ZNF622: variants seen among roughly 807,000 people sequenced by gnomAD.
ZNF622 encodes cytoplasmic 60S subunit biogenesis factor ZNF622.
In ZNF622, 34 loss-of-function variants were observed where a neutral mutation model predicts 49.7. The observed-to-expected ratio is 0.68, with a 90% confidence interval of 0.52 to 0.91. The LOEUF (loss-of-function observed/expected upper bound fraction) is 0.91, where lower values mean the gene tolerates loss of function less well. Ranked by LOEUF, ZNF622 falls within the 40% of genes least tolerant of loss-of-function variation. ZNF622 has a pLI of 0.00. For missense variants in ZNF622, 569 were observed against 616.4 expected, an observed-to-expected ratio of 0.92 and a Z score of 0.81; for synonymous variants, 209 against 228.7, an observed-to-expected ratio of 0.91 and a Z score of 0.78.
intron 4 of ZNF622, among the ~76,000 whole-genome samples, chr5:16,457,690 T>C (rs1738053756): frequency 1.3e-5 from 2 of 152,164 alleles, no homozygotes; most frequent in African/African-American, 4.8e-5. Flanking sequence ...CAGCAGGGTG[T>C]GTTGTTCCTG....
At position 16,465,630 on chromosome 5, in the gene ZNF622, C is replaced by G. The variant is rs1040512436; in HGVS notation, c.36G>C (p.Ala12=). ...CCCGCTGCATGTCCGCGTCGCGGAA[C>G]GCCACCCGGCAAGTTATGCAGGTGT... is the stretch of plus-strand genomic sequence containing the variant. ...ATYTCITCRV[A]FRDADMQRAH... is the part of the protein sequence containing the mutation. The change falls in exon 1 of 6, where the codon GCG becomes GCC. Residue 12 remains alanine, a synonymous_variant. Coordinates refer to ENST00000308683, the MANE Select transcript of ZNF622 (RefSeq NM_033414.3). This position sits in a 1 kb window ranked among gnomAD's most constrained non-coding sequence, Gnocchi z 6.2. The G allele has an allele frequency of 6.3e-7, 1 of 1,595,094 alleles. No homozygotes were observed. Among genetic ancestry groups the G allele is most frequent in the Admixed American group, 1.7e-5 (1 of 57,656 alleles).
In ZNF622 at chr5:16,463,646, T is replaced by C. The variant is rs1228243727; in HGVS notation, c.722A>G (p.Glu241Gly). Residue 241 changes from glutamate (E) to glycine (G), a missense_variant, in exon 2 of 6, where the codon GAG becomes GGG. Glu to Gly is a moderately conservative substitution (Grantham distance 98). Coordinates refer to ENST00000308683, the MANE Select transcript of ZNF622 (RefSeq NM_033414.3). This position sits in a 1 kb window ranked among gnomAD's most constrained non-coding sequence, Gnocchi z 4.2. ...VEQDAEEEEA[E>G]EGPPLGAIPI... Reference sequence around the variant, plus strand: ...GATGGCACCAAGGGGTGGGCCTTCCTCAGCCTCTTCCTCCTCTGCATCCTG... The same window carrying C: ...GATGGCACCAAGGGGTGGGCCTTCCCCAGCCTCTTCCTCCTCTGCATCCTG... The C allele has an allele frequency of 6.2e-7, 1 of 1,614,256 alleles. No individual in the cohort carries two copies. The highest frequency in any genetic ancestry group is 8.5e-7 in the Non-Finnish European group (1 of 1,180,044).
rs1738156748 is a variant in ZNF622 at position 16,463,521 on chromosome 5, C to G, written c.847G>C (p.Glu283Gln). The G allele has an allele frequency of 6.2e-7, 1 of 1,613,662 alleles. No individual in the cohort carries two copies. The highest frequency in any genetic ancestry group is 1.7e-5 in the Admixed American group (1 of 60,002). Residue 283 changes from glutamate (E) to glutamine (Q), a missense_variant, in exon 2 of 6, where the codon GAA becomes CAA. Coordinates refer to ENST00000308683, the MANE Select transcript of ZNF622 (RefSeq NM_033414.3). This position sits in a 1 kb window ranked among gnomAD's most constrained non-coding sequence, Gnocchi z 4.2. ...AGTCCCTTAATATCTGAAAGATATT[C>G]TATATCAGGAATAAAGAAACTGTGG... Reference protein sequence around the residue: ...KDHSFFIPDIEYLSDIKGLIK... With the variant: ...KDHSFFIPDIQYLSDIKGLIK...
At chr5:16,455,385 G>C (rs1422881572) in intron 4 of ZNF622, among the ~76,000 whole-genome samples, 1 of 152,204 alleles carries the variant, frequency 6.6e-6, no homozygotes, top group African/African-American at 2.4e-5. Flanking sequence ...TAATTTGCTT[G>C]ATACACAGAT....
chr5:16,453,244 C>G, intron 4 of ZNF622, 88 bp from the exon 5 acceptor site: 1 of 1,266,770 alleles, frequency 7.9e-7, no homozygotes, highest in South Asian at 3.0e-5. Flanking sequence ...CAAATCAGAT[C>G]TTTTAGTATA....
intron 5 of ZNF622, 63 bp from the exon 6 acceptor site, chr5:16,451,847 C>A: frequency 1.3e-6 from 2 of 1,559,874 alleles, no homozygotes; most frequent in Non-Finnish European, 8.7e-7. Flanking sequence ...AGAGAAAATC[C>A]AACCTTGGCA....
At chr5:16,460,581 T>C (rs1471371352) in intron 3 of ZNF622, among the ~76,000 whole-genome samples, 1 of 152,064 alleles carries the variant, frequency 6.6e-6, no homozygotes, top group African/African-American at 2.4e-5. Context: ...TTCCTTTTTT[T>C]CCCCTAGAGA....
At chr5:16,460,133 C>G (rs1579564869) in intron 3 of ZNF622, among the ~76,000 whole-genome samples, 1 of 152,166 alleles carries the variant, frequency 6.6e-6, no homozygotes, top group Non-Finnish European at 1.5e-5. Context: ...TTTAAATCAT[C>G]TCTATATTAC....
chr5:16,457,808 T>C (rs969765475), intron 4 of ZNF622, among the ~76,000 whole-genome samples: 6 of 152,198 alleles, frequency 3.9e-5, no homozygotes, highest in Non-Finnish European at 8.8e-5. Context: ...CTAAGCTTCA[T>C]ATGTAAAATG....
At chr5:16,461,398 G>A (rs560509539) in intron 3 of ZNF622, among the ~76,000 whole-genome samples, 23 of 152,324 alleles carry the variant, frequency 1.5e-4, no homozygotes, top group South Asian at 4.1e-4. Context: ...TTACAGTTTT[G>A]AGAATAGAAC....
At chr5:16,454,833 T>C (rs1388046059) in intron 4 of ZNF622, among the ~76,000 whole-genome samples, 1 of 152,164 alleles carries the variant, frequency 6.6e-6, no homozygotes, top group Admixed American at 6.5e-5. Context: ...AACGATCACC[T>C]CTGGCCCTTT....
intron 4 of ZNF622, among the ~76,000 whole-genome samples, chr5:16,454,770 A>G (rs1561068073): frequency 6.6e-6 from 1 of 152,184 alleles, no homozygotes; most frequent in Non-Finnish European, 1.5e-5. Flanking sequence ...GGTGCTTGCT[A>G]CAACAGCAGA....
At position 16,465,578 on chromosome 5, in the gene ZNF622, A is replaced by G. The variant is rs1224046761; in HGVS notation, c.88T>C (p.Tyr30His). 1.2e-6 allele frequency: 2 copies of G among 1,613,402 alleles called. No homozygotes were observed. Among genetic ancestry groups the G allele is most frequent in the Admixed American group, 1.7e-5 (1 of 59,978 alleles). The change falls in exon 1 of 6, where the codon TAC (tyrosine) becomes CAC (histidine). Residue 30 changes from tyrosine to histidine, a missense_variant. Physicochemically the swap from Tyr to His is moderately conservative, Grantham distance 83. Coordinates refer to ENST00000308683, the MANE Select transcript of ZNF622 (RefSeq NM_033414.3). The surrounding 1 kb of genome is among the most constrained non-coding windows in gnomAD (Gnocchi z 6.2). ...RAHYKTDWHR[Y>H]NLRRKVASMA... Reference sequence around the variant, plus strand: ...CTGGCCACCTTCCGCCGCAGGTTGTAGCGGTGCCAGTCCGTCTTATAGTGG... The same window carrying G: ...CTGGCCACCTTCCGCCGCAGGTTGTGGCGGTGCCAGTCCGTCTTATAGTGG...
Position 16,465,749 on chromosome 5 carries a change from G to C in ZNF622, c.-84C>G. 6.7e-7 allele frequency: 1 copy of C among 1,494,500 alleles called. No homozygotes were observed. The highest frequency in any genetic ancestry group is 8.9e-7 in the Non-Finnish European group (1 of 1,119,914). 92.6% of individuals were successfully genotyped at this position (1,494,500 alleles called of 1,614,324 possible). A position where few individuals can be genotyped will look rare whatever the true frequency, so the allele number is the denominator to read the frequency against. ...CCACAAGACCCTCAGACCTTAACCCGCCTCAGCAGCCAGGAAGAGCCACTC... is the reference window on the plus strand; with the variant it reads ...CCACAAGACCCTCAGACCTTAACCCCCCTCAGCAGCCAGGAAGAGCCACTC... On this transcript the variant is annotated 5_prime_UTR_variant, in exon 1 of 6. Transcript: ENST00000308683. This position sits in a 1 kb window ranked among gnomAD's most constrained non-coding sequence, Gnocchi z 6.2.
rs536661979 is a variant in ZNF622 at position 16,460,064 on chromosome 5, G to A, written c.1050-1435C>T. On this transcript the variant is annotated intron_variant, in intron 3 of 5. Coordinates refer to ENST00000308683, the MANE Select transcript of ZNF622 (RefSeq NM_033414.3). Reference sequence around the variant, plus strand: ...CCCTAGGATACTAAAATTTGCAGATGTTCCAGTCCCTGATATAAAATGGTA... The same window carrying A: ...CCCTAGGATACTAAAATTTGCAGATATTCCAGTCCCTGATATAAAATGGTA... Among the ~76,000 whole-genome samples, 13 of 152,272 alleles carry A rather than the reference G, an allele frequency of 8.5e-5. No homozygotes were observed. The East Asian group carries it at 2.3e-3, about 27-fold the overall frequency.
rs778574362 is a variant in ZNF622 at position 16,463,201 on chromosome 5, T to C, written c.956A>G (p.Glu319Gly). 2.4e-5 allele frequency: 39 copies of C among 1,613,826 alleles called. No individual in the cohort carries two copies. In the East Asian group the frequency reaches 8.7e-4, roughly 36 times the overall value. ...NEKGKSFYST[E>G]AVQAHMNDKS... ...GTCATTCATATGTGCCTGTACAGCT[T>C]CTGTGGAGTAGAAGGACTTCCCTTT... Residue 319 changes from glutamate to glycine, a missense_variant, in exon 3 of 6, where the codon GAA becomes GGA. Transcript: ENST00000308683. The surrounding 1 kb of genome is among the most constrained non-coding windows in gnomAD (Gnocchi z 4.2).
At chr5:16,457,057 A>T (rs766702746) in intron 4 of ZNF622, among the ~76,000 whole-genome samples, 12 of 152,170 alleles carry the variant, frequency 7.9e-5, no homozygotes, top group Non-Finnish European at 1.3e-4. Flanking sequence ...CACCCAGGAC[A>T]AAGCTGAGGA....
rs774048709 is a variant in ZNF622, at chr5:16,451,803, T to C, written c.1307-19A>G. ...GCCGCTCCTATGATTGGAAGGCAGT[T>C]AAGAAATTAGGCAAAGTTCTGTTAT... On this transcript the variant is annotated intron_variant, in intron 5 of 5. Transcript: ENST00000308683. 5 of 1,605,442 alleles carry C rather than the reference T, an allele frequency of 3.1e-6. No homozygotes were observed. Among genetic ancestry groups the C allele is most frequent in the Non-Finnish European group, 4.2e-6 (5 of 1,177,208 alleles).
At chr5:16,454,085 A>T (rs1310445281) in intron 4 of ZNF622, among the ~76,000 whole-genome samples, 1 of 152,220 alleles carries the variant, frequency 6.6e-6, no homozygotes, top group African/African-American at 2.4e-5. Flanking sequence ...TTTTCAAAGT[A>T]TGCTGATGTT....
Sources: gnomAD v4.1 joint callset for allele counts (sites outside exome capture counted in the v4.1 genomes callset) on GRCh38, gnomAD v4.1.1 for gene constraint, Gnocchi (gnomAD v3.1) non-coding constraint, MANE v1.5 for transcripts, NCBI Gene and HGNC (gene_info 2026-07-23, HGNC 2026-07-21) for gene names.